The following SORL1 variants were observed in gnomAD, a reference collection of about 807,000 sequenced individuals.
The protein encoded by SORL1 is sortilin related receptor 1.
In SORL1, 127 loss-of-function variants were observed where a neutral mutation model predicts 273.7. The ratio of observed to expected loss-of-function variants is 0.46; its 90% CI spans 0.40 to 0.54. The LOEUF is 0.54. SORL1 is among the 20% of genes least tolerant of loss of function. SORL1 has a pLI of 0.00. For synonymous variants in SORL1, 1,031 were observed against 1,067.4 expected, an observed-to-expected ratio of 0.97 and a Z score of 0.66; for missense variants, 2,494 against 2,846.1, an observed-to-expected ratio of 0.88 and a Z score of 2.81.
intron 11 of SORL1, among the ~76,000 whole-genome samples, chr11:121,523,787 C>T (rs553339011): frequency 1.8e-4 from 27 of 152,240 alleles, no homozygotes; most frequent in African/African-American, 4.3e-4. Context: ...CGAGCAGCCC[C>T]GCAGGCTGGG....
chr11:121,500,319 T>A (rs531340784), intron 6 of SORL1, among the ~76,000 whole-genome samples: 1 of 152,358 alleles, frequency 6.6e-6, no homozygotes, highest in South Asian at 2.1e-4. Context: ...CAGGCCCAGA[T>A]ATTTCTTGCA....
rs373711024 is a variant in SORL1 at position 121,593,110 on chromosome 11, G to A, written c.4369+1954G>A. Among the ~76,000 whole-genome samples the A allele has an allele frequency of 1.1e-4, 17 of 152,180 alleles. No homozygotes were observed. The East Asian group carries it at 3.1e-3, about 28-fold the overall frequency. On this transcript the variant is annotated intron_variant, in intron 31 of 47. Transcript: ENST00000260197. ...AAGGCCCATACTGATGAATGCTCATGTCCTCCCCAGTATTGGAGCCCTCTG... is the reference window on the plus strand; with the variant it reads ...AAGGCCCATACTGATGAATGCTCATATCCTCCCCAGTATTGGAGCCCTCTG...
rs562278649 is a variant in SORL1, at chr11:121,490,549, G to C, written c.758+439G>C. 1.5e-4 allele frequency among the ~76,000 whole-genome samples: 23 copies of C among 152,104 alleles called. No homozygotes were observed. In the South Asian group the frequency reaches 4.6e-3, roughly 30 times the overall value. The stretch of plus-strand genomic sequence containing the variant: ...GAGCTCGGGAGTTCAAGACCAGCCT[G>C]GCCAACATGGTCAAACCCTGTCTCT... On this transcript the variant is annotated intron_variant, in intron 5 of 47. Transcript: ENST00000260197.
At chr11:121,492,192 C>T (rs2134816539) in intron 5 of SORL1, among the ~76,000 whole-genome samples, 1 of 152,148 alleles carries the variant, frequency 6.6e-6, no homozygotes, top group Middle Eastern at 3.4e-3. Flanking sequence ...GAAACCCCAT[C>T]TCCACTAAAA....
At position 121,585,482 on chromosome 11, in the gene SORL1, TA is replaced by T. The variant is rs200807410; in HGVS notation, c.3707-729del. On this transcript the variant is annotated intron_variant, in intron 26 of 47. Coordinates refer to ENST00000260197, the MANE Select transcript of SORL1 (RefSeq NM_003105.6). ...TGGGTGACAGAGCAAGACTCTGCCTTAAAAAAAAAAATGTATATACACACAC... is the reference window on the plus strand; with the variant it reads ...TGGGTGACAGAGCAAGACTCTGCCTTAAAAAAAAAATGTATATACACACAC... Among the ~76,000 whole-genome samples the T allele has an allele frequency of 2.0e-3, 259 of 127,570 alleles. 1 individual carries two copies. The highest frequency in any genetic ancestry group is 6.1e-3 in the African/African-American group (208 of 34,260). 83.7% of individuals were successfully genotyped at this position (127,570 alleles called of 152,430 possible). A position where few individuals can be genotyped will look rare whatever the true frequency, so the allele number is the denominator to read the frequency against.
At chr11:121,558,464 G>A in intron 19 of SORL1, 127 bp from the exon 20 acceptor site, 1 of 951,648 alleles carries the variant, frequency 1.1e-6, no homozygotes, top group Non-Finnish European at 1.6e-6. Flanking sequence ...ATTACATATT[G>A]TTATAATAAT....
chr11:121,575,308 C>G (rs1196491337), intron 24 of SORL1, among the ~76,000 whole-genome samples: 1 of 152,244 alleles, frequency 6.6e-6, no homozygotes, highest in African/African-American at 2.4e-5. Context: ...TCCCTGGTCC[C>G]AGACTCATAG....
At position 121,514,137 on chromosome 11, in the gene SORL1, C is replaced by T. The variant is rs1345941538; in HGVS notation, c.1042-15C>T. 1.2e-6 allele frequency: 2 copies of T among 1,606,354 alleles called. No homozygotes were observed. The highest frequency in any genetic ancestry group is 1.7e-5 in the Admixed American group (1 of 58,152). On this transcript the variant is annotated splice_polypyrimidine_tract_variant and intron_variant, in intron 7 of 47. Coordinates refer to ENST00000260197, the MANE Select transcript of SORL1 (RefSeq NM_003105.6). The stretch of plus-strand genomic sequence containing the variant: ...TTGTTTTTTGACGTATCTTTTTTGA[C>T]TTTTGATTCCAAAGGAATATTACAT...
At chr11:121,528,813 G>A (rs771309891) in intron 11 of SORL1, among the ~76,000 whole-genome samples, 5 of 152,252 alleles carry the variant, frequency 3.3e-5, no homozygotes, top group Non-Finnish European at 5.9e-5. Flanking sequence ...AATATATCAC[G>A]TGCACTGGGA....
chr11:121,494,031 C>G (rs78207399), intron 5 of SORL1, among the ~76,000 whole-genome samples: 147 of 152,226 alleles, frequency 9.7e-4, no homozygotes, highest in African/African-American at 3.5e-3. Context: ...TCAAGGAGAA[C>G]CATTAGAACT....
At chr11:121,587,291 G>A (rs1252556194) in intron 27 of SORL1, among the ~76,000 whole-genome samples, 3 of 152,222 alleles carry the variant, frequency 2.0e-5, no homozygotes, top group Non-Finnish European at 2.9e-5. Context: ...TTTGCTAGGT[G>A]AGCCAGCAGG....
intron 8 of SORL1, among the ~76,000 whole-genome samples, chr11:121,516,209 T>C (rs551584958): frequency 6.6e-6 from 1 of 152,268 alleles, no homozygotes; most frequent in South Asian, 2.1e-4. Context: ...GGAAGACTAG[T>C]TGTGAAAGTA....
At chr11:121,527,702 A>G (rs1862143402) in intron 11 of SORL1, among the ~76,000 whole-genome samples, 1 of 152,014 alleles carries the variant, frequency 6.6e-6, no homozygotes. Flanking sequence ...TTCAATTTTG[A>G]TGAGTTGTGT....
rs80256323 is a variant in SORL1 at position 121,563,217 on chromosome 11, C to A, written c.3049+3560C>A. ...AAGCCTGAACTTCGATAAAACCACC[C>A]GGCTCTGCTCCCTCTGTCATGTGTT... is the stretch of plus-strand genomic sequence containing the variant. On this transcript the variant is annotated intron_variant, in intron 21 of 47. Coordinates refer to ENST00000260197, the MANE Select transcript of SORL1 (RefSeq NM_003105.6). The surrounding 1 kb of genome is among the most constrained non-coding windows in gnomAD (Gnocchi z 4.2). Among the ~76,000 whole-genome samples the A allele has an allele frequency of 0.029, 4,364 of 152,252 alleles. 163 individuals carry two copies. Among genetic ancestry groups the A allele is most frequent in the East Asian group, 0.21 (1,099 of 5,160 alleles).
At chr11:121,612,898 T>C in intron 40 of SORL1, 66 bp downstream of exon 40, 1 of 1,158,298 alleles carries the variant, frequency 8.6e-7, no homozygotes, top group Non-Finnish European at 1.3e-6. Flanking sequence ...GCTTTCCCGC[T>C]GTAGAGCTTG....
chr11:121,618,532 G>A (rs1428524219), intron 41 of SORL1, among the ~76,000 whole-genome samples: 3 of 151,994 alleles, frequency 2.0e-5, no homozygotes, highest in African/African-American at 7.3e-5. Context: ...TTCTCTGCCC[G>A]CCTCTCCTCC....
chr11:121,612,911 T>C (rs1591353591), intron 40 of SORL1, 79 bp downstream of exon 40: 1 of 1,026,764 alleles, frequency 9.7e-7, no homozygotes, highest in East Asian at 2.5e-5. Flanking sequence ...AGAGCTTGAC[T>C]GGGGGTGCCA....
At chr11:121,619,415 G>A (rs867911332) in intron 42 of SORL1, among the ~76,000 whole-genome samples, 8 of 152,236 alleles carry the variant, frequency 5.3e-5, no homozygotes, top group African/African-American at 1.9e-4. Flanking sequence ...TATAAAAGAA[G>A]CCAAGAGCAT....
intron 47 of SORL1, among the ~76,000 whole-genome samples, chr11:121,628,462 C>T (rs1167725443): frequency 6.6e-6 from 1 of 152,086 alleles, no homozygotes; most frequent in Non-Finnish European, 1.5e-5. Context: ...CTAATGCTGC[C>T]CTGATCTGAC....
Sources: allele counts gnomAD v4.1 joint callset (sites outside exome capture counted in the v4.1 genomes callset), GRCh38; gene constraint gnomAD v4.1.1; non-coding constraint Gnocchi (gnomAD v3.1); transcripts MANE v1.5; gene names NCBI Gene and HGNC (gene_info 2026-07-23, HGNC 2026-07-21).